The following ANKS1A variants were observed in gnomAD, a reference collection of about 807,000 sequenced individuals.
The protein encoded by ANKS1A is ankyrin repeat and SAM domain-containing protein 1A.
A neutral mutation model predicts 120.3 loss-of-function variants in ANKS1A; 55 were observed. That is an observed-to-expected ratio of 0.46 (90% CI 0.37 to 0.57). The LOEUF (loss-of-function observed/expected upper bound fraction) is 0.57, where lower values mean the gene tolerates loss of function less well. ANKS1A is among the 20% of genes least tolerant of loss of function. The probability of loss-of-function intolerance (pLI) is 0.00; values close to 1 mark genes in which losing one functional copy is unlikely to be tolerated. For missense variants in ANKS1A, 1,123 were observed against 1,480.3 expected, an observed-to-expected ratio of 0.76 and a Z score of 3.96; for synonymous variants, 590 against 604.7, an observed-to-expected ratio of 0.98 and a Z score of 0.36.
intron 11 of ANKS1A, among the ~76,000 whole-genome samples, chr6:35,028,301 G>T (rs1225224806): frequency 6.6e-6 from 1 of 152,186 alleles, no homozygotes; most frequent in African/African-American, 2.4e-5. Flanking sequence ...TGGAACTTGG[G>T]TGCAGTGGCA....
intron 10 of ANKS1A, among the ~76,000 whole-genome samples, chr6:35,009,349 A>G (rs1408774128): frequency 6.6e-6 from 1 of 152,164 alleles, no homozygotes; most frequent in East Asian, 1.9e-4. Context: ...GAGGAATTTG[A>G]GGATGATTCT....
intron 12 of ANKS1A, among the ~76,000 whole-genome samples, chr6:35,055,590 A>C (rs909531553): frequency 4.6e-5 from 7 of 152,162 alleles, no homozygotes. Flanking sequence ...GGCCTTCCAA[A>C]GTGTTGGGAT....
chr6:34,980,443 G>A (rs1771847273), intron 3 of ANKS1A, among the ~76,000 whole-genome samples: 1 of 152,242 alleles, frequency 6.6e-6, no homozygotes, highest in Admixed American at 6.5e-5. Flanking sequence ...TGGAAAAAAT[G>A]ATGCAGTCAA....
intron 11 of ANKS1A, among the ~76,000 whole-genome samples, chr6:35,053,633 G>T (rs1340276649): frequency 3.9e-5 from 6 of 152,198 alleles, no homozygotes; most frequent in African/African-American, 1.4e-4. Flanking sequence ...GTTATCTGTT[G>T]AATGCTTATG....
At chr6:35,013,542 A>G (rs1773867348) in intron 10 of ANKS1A, among the ~76,000 whole-genome samples, 2 of 152,040 alleles carry the variant, frequency 1.3e-5, no homozygotes, top group African/African-American at 4.8e-5. Context: ...CAATCCTCCC[A>G]CCACAGGCTC....
intron 1 of ANKS1A, among the ~76,000 whole-genome samples, chr6:34,954,522 T>G (rs1013955080): frequency 1.2e-4 from 18 of 152,200 alleles, no homozygotes; most frequent in African/African-American, 3.9e-4. Flanking sequence ...GCTGGCTTTG[T>G]GGAACAAGGA....
rs150268820 is a variant in ANKS1A, at chr6:34,945,123, TG to T, written c.198-22114del. Among the ~76,000 whole-genome samples, 1,149 of 152,276 alleles carry T rather than the reference TG, an allele frequency of 7.5e-3. 18 individuals are homozygous for T. Among genetic ancestry groups the T allele is most frequent in the African/African-American group, 0.024 (988 of 41,548 alleles). On this transcript the variant is annotated intron_variant, in intron 1 of 23. Coordinates refer to ENST00000360359, the MANE Select transcript of ANKS1A (RefSeq NM_015245.3). ...TAGGGTCTTACTCTGTCACCCAGGC[TG>T]GAATGCAGTGGGGAGAACACAGCTT...
At position 34,946,536 on chromosome 6, in the gene ANKS1A, C is replaced by T. The variant is rs144002691; in HGVS notation, c.198-20703C>T. Among the ~76,000 whole-genome samples the T allele has an allele frequency of 5.3e-5, 8 of 151,048 alleles. 1 individual carries two copies. In the East Asian group the frequency reaches 9.8e-4, roughly 18 times the overall value. ...CCAGGAGGCGGAGATTGCAGTGAGC[C>T]GAGATTGTGCTACTGCACTCCATCC... is the stretch of plus-strand genomic sequence containing the variant. On this transcript the variant is annotated intron_variant, in intron 1 of 23. Transcript: ENST00000360359.
At chr6:34,897,938 C>A (rs1767173534) in intron 1 of ANKS1A, among the ~76,000 whole-genome samples, 1 of 152,086 alleles carries the variant, frequency 6.6e-6, no homozygotes, top group South Asian at 2.1e-4. Context: ...AGGTTCTGAC[C>A]CAACTCTGCC....
chr6:35,038,398 GGC>G (rs1775289180), intron 11 of ANKS1A: 1 of 449,778 alleles, frequency 2.2e-6, no homozygotes, highest in African/African-American at 2.0e-5. Flanking sequence ...GAGAGTTAAG[GGC>G]AGTGAAGAGT....
intron 17 of ANKS1A, among the ~76,000 whole-genome samples, chr6:35,081,559 C>T (rs992306482): frequency 2.6e-5 from 4 of 152,220 alleles, no homozygotes; most frequent in Admixed American, 6.5e-5. Flanking sequence ...TGCTTACCCA[C>T]GTTGTTCCCC....
intron 10 of ANKS1A, among the ~76,000 whole-genome samples, chr6:35,012,484 T>A (rs1437279277): frequency 6.6e-6 from 1 of 152,224 alleles, no homozygotes; most frequent in East Asian, 1.9e-4. Flanking sequence ...CCAATCCTAA[T>A]GATACGGAGA....
intron 1 of ANKS1A, among the ~76,000 whole-genome samples, chr6:34,944,179 G>A (rs764611005): frequency 7.9e-5 from 12 of 152,114 alleles, no homozygotes; most frequent in Non-Finnish European, 1.5e-4. Context: ...TCAGGAGGCC[G>A]AGGCAGGAGA....
At chr6:34,973,913 T>TCCCTTC (rs1309580967) in intron 3 of ANKS1A, among the ~76,000 whole-genome samples, 3 of 64,512 alleles carry the variant, frequency 4.7e-5, no homozygotes, top group Admixed American at 3.8e-4. Flanking sequence ...CCCTTCCCCT[T>TCCCTTC]CCCTTCCCCT....
chr6:34,991,719 TATAC>T lies in ANKS1A; in HGVS notation c.1302+2407_1302+2410del, dbSNP rs377534511. ...ATATATATACATATATACACATATA[TATAC>T]ATATATACACATATATATACATATA... On this transcript the variant is annotated intron_variant, in intron 9 of 23. Coordinates refer to ENST00000360359, the MANE Select transcript of ANKS1A (RefSeq NM_015245.3). 3.9e-4 allele frequency among the ~76,000 whole-genome samples: 34 copies of T among 88,264 alleles called. No homozygotes were observed. The East Asian group carries it at 5.6e-3, about 14-fold the overall frequency. 57.9% of individuals were successfully genotyped at this position (88,264 alleles called of 152,430 possible).
chr6:35,077,279 T>C (rs1175218516), intron 13 of ANKS1A, among the ~76,000 whole-genome samples: 3 of 151,962 alleles, frequency 2.0e-5, no homozygotes, highest in Non-Finnish European at 2.9e-5. Flanking sequence ...GTGCAGTAGC[T>C]GAAGTTGGAG....
chr6:34,932,222 T>C (rs1769019469), intron 1 of ANKS1A, among the ~76,000 whole-genome samples: 1 of 152,244 alleles, frequency 6.6e-6, no homozygotes. Context: ...TCTGGCTCTG[T>C]TGCCCAGGCT....
At chr6:34,991,541 T>TAC (rs149416311) in intron 9 of ANKS1A, among the ~76,000 whole-genome samples, 5,340 of 138,298 alleles carry the variant, frequency 0.039, 221 homozygotes, top group African/African-American at 0.099. Context: ...AAAAAATATA[T>TAC]ACACACACAC....
chr6:35,051,061 T>G (rs759430830), intron 11 of ANKS1A, among the ~76,000 whole-genome samples: 2 of 152,030 alleles, frequency 1.3e-5, no homozygotes, highest in Non-Finnish European at 2.9e-5. Context: ...GGTTTCTGGG[T>G]CAGGCACCTG....
Sources: gnomAD v4.1 joint callset for allele counts (sites outside exome capture counted in the v4.1 genomes callset) on GRCh38, gnomAD v4.1.1 for gene constraint, MANE v1.5 for transcripts, NCBI Gene and HGNC (gene_info 2026-07-23, HGNC 2026-07-21) for gene names.